The following ZFAT variants were observed in gnomAD, a reference collection of about 807,000 sequenced individuals.
ZFAT encodes the protein zinc finger and AT-hook domain containing.
A neutral mutation model predicts 117.7 loss-of-function variants in ZFAT; 64 were observed. The observed-to-expected ratio is 0.54, with a 90% CI of 0.44 to 0.67. The LOEUF (loss-of-function observed/expected upper bound fraction) is 0.67. ZFAT is among the 30% of genes least tolerant of loss of function. ZFAT has a pLI of 0.00. For synonymous variants in ZFAT, 679 were observed against 615.0 expected, an observed-to-expected ratio of 1.10 and a Z score of -1.54; for missense variants, 1,433 against 1,584.5, an observed-to-expected ratio of 0.90 and a Z score of 1.62.
At chr8:134,556,222 GAAAGGC>G (rs1385942334) in intron 11 of ZFAT, among the ~76,000 whole-genome samples, 3 of 152,138 alleles carry the variant, frequency 2.0e-5, no homozygotes, top group African/African-American at 7.2e-5. Context: ...TGCACTTGAA[GAAAGGC>G]AAATAGAAAT....
chr8:134,805,772 G>A, the ZFAT span, among the ~76,000 whole-genome samples: 3 of 152,050 alleles, frequency 2.0e-5, no homozygotes, highest in East Asian at 1.9e-4. Context: ...CTTGAGTCCC[G>A]GAGTTCAAGA....
the ZFAT span, among the ~76,000 whole-genome samples, chr8:134,817,436 C>CACACA: frequency 0.1 from 13,188 of 126,624 alleles, 682 homozygotes; most frequent in Non-Finnish European, 0.12. Flanking sequence ...CACACACACA[C>CACACA]AACGCACCCT....
At chr8:134,531,775 T>C (rs959647503) in intron 12 of ZFAT, among the ~76,000 whole-genome samples, 16 of 152,242 alleles carry the variant, frequency 1.1e-4, no homozygotes, top group Admixed American at 3.3e-4. Flanking sequence ...TGCTCATCTA[T>C]TTCCGTGCAT....
Position 134,601,726 on chromosome 8 carries a change from C to A in ZFAT, c.1993G>T (p.Ala665Ser). 1.2e-6 allele frequency: 2 copies of A among 1,612,962 alleles called. No homozygotes were observed. Among genetic ancestry groups the A allele is most frequent in the Non-Finnish European group, 1.7e-6 (2 of 1,179,296 alleles). ...CACCTGCTGGGATCTGGGTCACCAG[C>A]TGAAAGCACAGCCATGTTCTGCCCT... ...GEGQNMAVLS[A>S]GDPDPSRCLR... The change falls in exon 6 of 16, where the codon GCT (alanine) becomes TCT (serine). Residue 665 changes from alanine to serine, a missense_variant. Ala to Ser is a moderately conservative substitution (Grantham distance 99). Around this residue, in one of 5 missense-constraint regions of ZFAT, gnomAD observed 372 missense variants for 355.6 expected, o/e 1.05. Coordinates refer to ENST00000377838, the MANE Select transcript of ZFAT (RefSeq NM_020863.4).
At chr8:134,587,467 C>T (rs187216970) in intron 9 of ZFAT, among the ~76,000 whole-genome samples, 68 of 152,228 alleles carry the variant, frequency 4.5e-4, no homozygotes, top group Non-Finnish European at 5.6e-4. Flanking sequence ...ATAGAAAATA[C>T]TTCATCCTTC....
Position 134,478,404 on chromosome 8 carries a change from G to T in ZFAT, c.*78C>A. The T allele has an allele frequency of 2.0e-6, 3 of 1,503,166 alleles. No homozygotes were observed. Among genetic ancestry groups the T allele is most frequent in the Non-Finnish European group, 2.7e-6 (3 of 1,123,066 alleles). The allele number at this position is 1,503,166 out of a possible 1,614,324, so 93.1% of individuals were successfully genotyped here. On this transcript the variant is annotated 3_prime_UTR_variant, in exon 16 of 16. Transcript: ENST00000377838. This position sits in a 1 kb window ranked among gnomAD's most constrained non-coding sequence, Gnocchi z 5.2. ...AGAGCACCATTCTGCGGGTAGGGCAGGAAGGGTGGCCTCCCCACCCTGGGT... is the reference window on the plus strand; with the variant it reads ...AGAGCACCATTCTGCGGGTAGGGCATGAAGGGTGGCCTCCCCACCCTGGGT...
At chr8:134,614,076 T>A (rs145847897) in intron 3 of ZFAT, among the ~76,000 whole-genome samples, 1 of 152,192 alleles carries the variant, frequency 6.6e-6, no homozygotes, top group Non-Finnish European at 1.5e-5. Context: ...ACCTAGACCC[T>A]AGAGGAACTG....
chr8:134,738,190 C>G, the ZFAT span, among the ~76,000 whole-genome samples: 3 of 152,270 alleles, frequency 2.0e-5, no homozygotes, highest in African/African-American at 7.2e-5. Flanking sequence ...TGTGCATCAA[C>G]AAAGAAAACA....
the ZFAT span, among the ~76,000 whole-genome samples, chr8:134,759,970 C>CAAAAAA: frequency 3.0e-4 from 16 of 53,162 alleles, no homozygotes; most frequent in African/African-American, 5.7e-4. Flanking sequence ...GACTCCGTCT[C>CAAAAAA]AAAAAAAAAA....
At chr8:134,660,803 T>C (rs1194472920) in intron 1 of ZFAT, among the ~76,000 whole-genome samples, 1 of 152,204 alleles carries the variant, frequency 6.6e-6, no homozygotes, top group Non-Finnish European at 1.5e-5. Context: ...AGAGATTACA[T>C]AAATAAAACT....
chr8:134,534,774 A>AGGG (rs1563818914), intron 11 of ZFAT, among the ~76,000 whole-genome samples: 19 of 101,850 alleles, frequency 1.9e-4, no homozygotes, highest in African/African-American at 6.6e-4. Flanking sequence ...AGAGAGGGAG[A>AGGG]AAGAGAGAGA....
At chr8:134,522,277 G>C (rs1023214446) in intron 12 of ZFAT, among the ~76,000 whole-genome samples, 5 of 152,212 alleles carry the variant, frequency 3.3e-5, no homozygotes, top group Non-Finnish European at 7.3e-5. Context: ...AGATCCATCA[G>C]ACAATTTGGC....
chr8:134,509,630 C>A lies in ZFAT; in HGVS notation c.3481G>T (p.Val1161Leu). 6.2e-7 allele frequency: 1 copy of A among 1,613,582 alleles called. No individual in the cohort carries two copies. Among genetic ancestry groups the A allele is most frequent in the Non-Finnish European group, 8.5e-7 (1 of 1,179,804 alleles). ...AGGAGGGTCCCTACCTGCTTAACCA[C>A]AGTCACCGTCCCTGGTGCCATGGCA... The part of the protein sequence containing the change: ...VVAMAPGTVT[V>L]VKQVTEEEPS... Residue 1161 changes from valine to leucine, a missense_variant, in exon 15 of 16, where the codon GTG becomes TTG. By Grantham distance (32) the Val-to-Leu change is conservative. This residue lies in a region of ZFAT where 503 missense variants were observed against 543.4 expected (regional missense o/e 0.93). Coordinates refer to ENST00000377838, the MANE Select transcript of ZFAT (RefSeq NM_020863.4).
intron 1 of ZFAT, among the ~76,000 whole-genome samples, chr8:134,678,978 T>C (rs1345178478): frequency 1.3e-5 from 2 of 152,052 alleles, no homozygotes; most frequent in African/African-American, 4.8e-5. Context: ...CCTAAAACCA[T>C]AAAAACCCTA....
chr8:134,713,081 GT>G, upstream of ZFAT: 1 of 476,286 alleles, frequency 2.1e-6, no homozygotes, highest in Non-Finnish European at 3.4e-6. Flanking sequence ...CGTAGCGGAC[GT>G]CCGCTTCGGG....
At position 134,499,552 on chromosome 8, in the gene ZFAT, G is replaced by T. The variant is rs558977566; in HGVS notation, c.3492+10067C>A. ...GCTGGTTACACACAGAGCCTGATTT[G>T]GTAGGGTCGGGGTGGAGCTGGGATG... On this transcript the variant is annotated intron_variant, in intron 15 of 15. Transcript: ENST00000377838. Among the ~76,000 whole-genome samples, 3 of 150,556 alleles carry T rather than the reference G, an allele frequency of 2.0e-5. No individual in the cohort carries two copies. The East Asian group carries it at 6.0e-4, about 30-fold the overall frequency.
intron 4 of ZFAT, among the ~76,000 whole-genome samples, chr8:134,609,504 GT>G (rs1477047643): frequency 6.6e-6 from 1 of 152,116 alleles, no homozygotes; most frequent in African/African-American, 2.4e-5. Flanking sequence ...ATTTTATATG[GT>G]CTGTTCTCTA....
chr8:134,588,486 A>G, intron 8 of ZFAT, 91 bp from the exon 9 acceptor site: 1 of 1,366,086 alleles, frequency 7.3e-7, no homozygotes, highest in South Asian at 1.5e-5. Flanking sequence ...CACCCACAGG[A>G]GGAATCAAGG....
Position 134,478,730 on chromosome 8 carries a change from G to A in ZFAT, c.3493-9C>T, listed in dbSNP as rs1817068749. The A allele has an allele frequency of 6.5e-7, 1 of 1,549,846 alleles. No homozygotes were observed. The highest frequency in any genetic ancestry group is 1.4e-5 in the African/African-American group (1 of 73,294). ...GGCTCCTCCTCGGTGACCTGCGGGAGGAGGGCAAGAGAAAGGTCACCCAGC... is the reference window on the plus strand; with the variant it reads ...GGCTCCTCCTCGGTGACCTGCGGGAAGAGGGCAAGAGAAAGGTCACCCAGC... On this transcript the variant is annotated splice_polypyrimidine_tract_variant and intron_variant, in intron 15 of 15. Transcript: ENST00000377838. This position sits in a 1 kb window ranked among gnomAD's most constrained non-coding sequence, Gnocchi z 5.2.
Sources: gnomAD v4.1 joint callset for allele counts (sites outside exome capture counted in the v4.1 genomes callset) on GRCh38, gnomAD v4.1.1 for gene constraint, gnomAD v4.1.1 regional missense constraint, Gnocchi (gnomAD v3.1) non-coding constraint, MANE v1.5 for transcripts, NCBI Gene and HGNC (gene_info 2026-07-23, HGNC 2026-07-21) for gene names.